Variants in SRGAP2 observed in about 807,000 individuals in gnomAD.
SRGAP2 encodes SLIT-ROBO Rho GTPase activating protein 2.
A neutral mutation model predicts 57.2 loss-of-function variants in SRGAP2; 15 were observed. That is an observed-to-expected ratio of 0.26 (90% CI 0.18 to 0.40). The LOEUF (loss-of-function observed/expected upper bound fraction) is 0.40, where lower values mean the gene tolerates loss of function less well. Among genes scored for constraint, SRGAP2 ranks in the 10% least tolerant of loss-of-function variants. The pLI is 1.00. For missense variants in SRGAP2, 520 were observed against 669.6 expected (o/e 0.78, Z 2.47); for synonymous variants, 249 against 248.0 (o/e 1.00, Z -0.04).
At chr1:206,439,593 C>T (rs1490539176) in intron 16 of SRGAP2, among the ~76,000 whole-genome samples, 1 of 152,090 alleles carries the variant, frequency 6.6e-6, no homozygotes, top group Admixed American at 6.5e-5. Context: ...CTGTGGGGAA[C>T]ATTTCTAACC....
intron 14 of SRGAP2, 134 bp downstream of exon 14, chr1:206,430,356 C>T (rs1661187423): frequency 1.5e-6 from 1 of 659,812 alleles, no homozygotes; most frequent in Non-Finnish European, 2.8e-6. Context: ...CTTACTTGTC[C>T]ACATAACTTT....
At chr1:206,426,628 T>C (rs1377553912) in intron 13 of SRGAP2, among the ~76,000 whole-genome samples, 1 of 152,256 alleles carries the variant, frequency 6.6e-6, no homozygotes, top group Non-Finnish European at 1.5e-5. Context: ...CTCTGCATCC[T>C]TGCCAGCATT....
chr1:206,353,489 A>G (rs1445878127), intron 4 of SRGAP2, among the ~76,000 whole-genome samples: 5 of 151,914 alleles, frequency 3.3e-5, no homozygotes, highest in African/African-American at 1.2e-4. Flanking sequence ...TCTACTAAAA[A>G]TACAAAAATT....
intron 11 of SRGAP2, among the ~76,000 whole-genome samples, chr1:206,418,028 T>G (rs1553362661): frequency 6.6e-6 from 1 of 151,544 alleles, no homozygotes. Flanking sequence ...CCAAATGTGC[T>G]ACTATGGAGG....
At chr1:206,409,959 G>A (rs186513481) in intron 10 of SRGAP2, among the ~76,000 whole-genome samples, 7 of 152,158 alleles carry the variant, frequency 4.6e-5, no homozygotes, top group Non-Finnish European at 8.8e-5. Context: ...AAATTAGCTG[G>A]GCGTGGTGGC....
In SRGAP2 at chr1:206,444,611, C is replaced by T. The variant is rs1423582683; in HGVS notation, c.1875-1464C>T. ...TTAGCTACAGCTTAAGCCTGCAGCA[C>T]CTCATGCCTCAGTTGTTTGCTCTGA... On this transcript the variant is annotated intron_variant, in intron 17 of 22. Coordinates refer to ENST00000573034, the MANE Select transcript of SRGAP2 (RefSeq NM_015326.5). Among the ~76,000 whole-genome samples, 4 of 152,360 alleles carry T rather than the reference C, an allele frequency of 2.6e-5. No individual in the cohort carries two copies. In the East Asian group the frequency reaches 7.7e-4, roughly 29 times the overall value.
At chr1:206,364,938 C>A (rs1653831183) in intron 4 of SRGAP2, among the ~76,000 whole-genome samples, 1 of 132,602 alleles carries the variant, frequency 7.5e-6, no homozygotes, top group Middle Eastern at 3.8e-3. Context: ...TTGACAGTAT[C>A]AGGGAAGCAT....
intron 21 of SRGAP2, among the ~76,000 whole-genome samples, chr1:206,457,994 C>A (rs919240418): frequency 6.6e-6 from 1 of 152,208 alleles, no homozygotes; most frequent in Admixed American, 6.5e-5. Context: ...CGCCCAGATC[C>A]AGGGTTCAGC....
In SRGAP2 at chr1:206,257,629, G is replaced by A. The variant is rs1462178389; in HGVS notation, c.68-45652G>A. On this transcript the variant is annotated intron_variant, in intron 2 of 22. Transcript: ENST00000573034. Reference sequence around the variant, plus strand: ...GAGCCCCTGCTAAGTGCCAGGCACCGATCCAGGTGCTGGGAACCTAGGGGG... The same window carrying A: ...GAGCCCCTGCTAAGTGCCAGGCACCAATCCAGGTGCTGGGAACCTAGGGGG... 5.0e-5 allele frequency among the ~76,000 whole-genome samples: 7 copies of A among 139,410 alleles called. No homozygotes were observed. In the East Asian group the frequency reaches 6.8e-4, roughly 14 times the overall value. The allele number at this position is 139,410 out of a possible 152,430, so 91.5% of individuals were successfully genotyped here.
rs1553370660 is a variant in SRGAP2 at position 206,438,055 on chromosome 1, T to C, written c.1725T>C (p.Pro575=). 3.8e-6 allele frequency: 3 copies of C among 780,850 alleles called. No individual in the cohort carries two copies. The Admixed American group carries it at 5.1e-5, about 13-fold the overall frequency. The allele number at this position is 780,850 out of a possible 1,614,324, so 48.4% of individuals were successfully genotyped here. A position where few individuals can be genotyped will look rare whatever the true frequency, so the allele number is the denominator to read the frequency against. The part of the protein sequence containing the change: ...LKLYFRGLEH[P]LFPKDIFHDL... ...TTTACTTCCGGGGGCTGGAACACCC[T>C]CTCTTCCCCAAGGACATCTTTCATG... The change falls in exon 16 of 23, where the codon CCT becomes CCC. Residue 575 remains proline (P), a synonymous_variant. Coordinates refer to ENST00000573034, the MANE Select transcript of SRGAP2 (RefSeq NM_015326.5).
At chr1:206,449,384 C>G (rs954458006) in intron 18 of SRGAP2, among the ~76,000 whole-genome samples, 2 of 150,708 alleles carry the variant, frequency 1.3e-5, no homozygotes, top group East Asian at 1.9e-4. Flanking sequence ...CTCGACTTCC[C>G]AGGCTTAACC....
chr1:206,248,714 T>C (rs149628562), intron 2 of SRGAP2, among the ~76,000 whole-genome samples: 1,755 of 152,064 alleles, frequency 0.012, 36 homozygotes, highest in African/African-American at 0.041. Context: ...CTTTATTAGG[T>C]TCTGCAGTAG....
intron 4 of SRGAP2, among the ~76,000 whole-genome samples, chr1:206,353,889 T>C (rs1553338789): frequency 6.9e-6 from 1 of 145,036 alleles, no homozygotes; most frequent in African/African-American, 2.6e-5. Flanking sequence ...ACCCTCAGAC[T>C]CCTGGGCTCA....
chr1:206,409,904 G>C (rs1553358850), intron 10 of SRGAP2, among the ~76,000 whole-genome samples: 1 of 151,228 alleles, frequency 6.6e-6, no homozygotes, highest in East Asian at 2.0e-4. Context: ...TTTGAGACCA[G>C]CCTGATCAAC....
intron 13 of SRGAP2, among the ~76,000 whole-genome samples, chr1:206,424,670 T>A (rs1660635164): frequency 6.6e-6 from 1 of 152,086 alleles, no homozygotes; most frequent in African/African-American, 2.4e-5. Flanking sequence ...TAAATTAAGA[T>A]AAAATAAAAT....
chr1:206,363,138 C>T (rs145456298), intron 4 of SRGAP2, among the ~76,000 whole-genome samples: 3,202 of 151,984 alleles, frequency 0.021, 110 homozygotes, highest in African/African-American at 0.071. Context: ...AAAAGCGTTC[C>T]GGAACTACAG....
intron 3 of SRGAP2, among the ~76,000 whole-genome samples, chr1:206,310,089 T>G (rs1160165852): frequency 5.3e-5 from 8 of 151,670 alleles, no homozygotes; most frequent in Non-Finnish European, 1.2e-4. Context: ...TAAGGTATTG[T>G]GAGAGATGCA....
At chr1:206,351,045 T>C (rs1405218126) in intron 4 of SRGAP2, among the ~76,000 whole-genome samples, 4 of 152,150 alleles carry the variant, frequency 2.6e-5, no homozygotes, top group Non-Finnish European at 5.9e-5. Flanking sequence ...CTAAAAGCAG[T>C]GCATGTTACC....
chr1:206,435,582 C>T (rs1021192680), intron 14 of SRGAP2, among the ~76,000 whole-genome samples: 1 of 152,142 alleles, frequency 6.6e-6, no homozygotes, highest in Non-Finnish European at 1.5e-5. Context: ...TCAGACTGAC[C>T]AATGTGGTTC....
Sources: allele counts gnomAD v4.1 joint callset (sites outside exome capture counted in the v4.1 genomes callset), GRCh38; gene constraint gnomAD v4.1.1; transcripts MANE v1.5; gene names NCBI Gene and HGNC (gene_info 2026-07-23, HGNC 2026-07-21).